Variants in ZNF106 observed in about 807,000 individuals in gnomAD.
ZNF106 encodes the protein SH3-domain binding protein 3.
A neutral mutation model predicts 195.1 loss-of-function variants in ZNF106; 67 were observed. The observed-to-expected ratio is 0.34, with a 90% CI of 0.28 to 0.42. The LOEUF is 0.42. Ranked by LOEUF, ZNF106 falls within the 10% of genes least tolerant of loss-of-function variation. The probability of loss-of-function intolerance (pLI) is 1.00; values close to 1 mark genes in which losing one functional copy is unlikely to be tolerated. For missense variants in ZNF106, 2,118 were observed against 2,304.5 expected (o/e 0.92, Z 1.66); for synonymous variants, 784 against 818.6 (o/e 0.96, Z 0.72).
chr15:42,466,449 A>T (rs1176185290), intron 2 of ZNF106, among the ~76,000 whole-genome samples: 4 of 148,126 alleles, frequency 2.7e-5, no homozygotes, highest in African/African-American at 7.5e-5. Context: ...AAGTTCATTT[A>T]AAAAAAAAAC....
chr15:42,424,316 G>C (rs574447565), intron 16 of ZNF106: 3 of 448,476 alleles, frequency 6.7e-6, no homozygotes, highest in Non-Finnish European at 1.2e-5. Context: ...AAGGGCATTC[G>C]AGTATACCCA....
chr15:42,420,316 G>A (rs566046240), intron 20 of ZNF106, among the ~76,000 whole-genome samples: 5 of 152,054 alleles, frequency 3.3e-5, no homozygotes, highest in Middle Eastern at 6.8e-3. Flanking sequence ...CATTATATTC[G>A]CTACCGCCTG....
intron 3 of ZNF106, among the ~76,000 whole-genome samples, chr15:42,460,371 T>TA (rs1429530362): frequency 1.3e-5 from 2 of 152,144 alleles, no homozygotes; most frequent in African/African-American, 2.4e-5. Flanking sequence ...ACTTAACTGT[T>TA]AAAAATAAAC....
intron 16 of ZNF106, 122 bp from the exon 17 acceptor site, chr15:42,424,182 G>T: frequency 1.3e-6 from 1 of 777,326 alleles, no homozygotes; most frequent in Non-Finnish European, 2.0e-6. Flanking sequence ...GATGAACTAG[G>T]TATAAAAGTT....
At chr15:42,448,003 A>G in intron 6 of ZNF106, 69 bp downstream of exon 6, 6 of 1,505,856 alleles carry the variant, frequency 4.0e-6, no homozygotes, top group Non-Finnish European at 5.3e-6. Flanking sequence ...AAACAGTTGA[A>G]CCTTTTTTCA....
rs1318617737 is a variant in ZNF106, at chr15:42,435,446, C to T, written c.4819G>A (p.Gly1607Arg). The T allele has an allele frequency of 7.4e-6, 12 of 1,613,960 alleles. No homozygotes were observed. Among genetic ancestry groups the T allele is most frequent in the Non-Finnish European group, 1.0e-5 (12 of 1,180,020 alleles). ...VNCLLVTQTS[G>R]KNAALYTGSS... ...CCGGTGTAAAGGGCAGCATTCTTCC[C>T]GGAGGTCTGAGTAACCAGGAGGCAG... Residue 1607 changes from glycine (G) to arginine (R), a missense_variant, in exon 14 of 22, where the codon GGG (glycine) becomes AGG (arginine). Physicochemically the swap from Gly to Arg is moderately radical, Grantham distance 125 (BLOSUM62 -2). Transcript: ENST00000564754.
chr15:42,450,791 T>C lies in ZNF106; in HGVS notation c.1481A>G (p.Asn494Ser), dbSNP rs1465931427. Residue 494 changes from asparagine to serine, a missense_variant, in exon 5 of 22, where the codon AAT becomes AGT. Physicochemically the swap from Asn to Ser is conservative, Grantham distance 46 (BLOSUM62 1). Coordinates refer to ENST00000564754, the MANE Select transcript of ZNF106 (RefSeq NM_001366845.3). ...ATTTGTTTTGGTGTTTTTTGAGATA[T>C]TCTTTGGATCTTGCTTTTGAGACAA... ...KSLSQKQDPKNISKNTKTNFF... is the reference protein window; with the variant it reads ...KSLSQKQDPKSISKNTKTNFF... 1 of 1,614,194 alleles carries C rather than the reference T, an allele frequency of 6.2e-7. No homozygotes were observed. The highest frequency in any genetic ancestry group is 2.2e-5 in the East Asian group (1 of 44,890).
In ZNF106 at chr15:42,437,354, C is replaced by A. The variant is rs771230035; in HGVS notation, c.4624G>T (p.Asp1542Tyr). The change falls in exon 13 of 22, where the codon GAT (aspartate) becomes TAT (tyrosine). Residue 1542 changes from aspartate to tyrosine, a missense_variant. By Grantham distance (160) the Asp-to-Tyr change is radical. Coordinates refer to ENST00000564754, the MANE Select transcript of ZNF106 (RefSeq NM_001366845.3). ...AAGCTTCCTTCTGTGGGTTCATCATCATCTCCTGGCTCTGAAGATATTTCT... is the reference window on the plus strand; with the variant it reads ...AAGCTTCCTTCTGTGGGTTCATCATAATCTCCTGGCTCTGAAGATATTTCT... ...SSEISSEPGD[D>Y]DEPTEGSFEG... 4 of 1,613,972 alleles carry A rather than the reference C, an allele frequency of 2.5e-6. No homozygotes were observed. The South Asian group carries it at 4.4e-5, about 18-fold the overall frequency.
In ZNF106 at chr15:42,424,977, T is replaced by G. The variant is rs1408999977; in HGVS notation, c.5047A>C (p.Ser1683Arg). The G allele has an allele frequency of 2.5e-6, 4 of 1,614,106 alleles. No homozygotes were observed. In the Admixed American group the frequency reaches 6.7e-5, roughly 27 times the overall value. Residue 1683 changes from serine to arginine, a missense_variant, in exon 16 of 22, where the codon AGC (serine) becomes CGC (arginine). Physicochemically the swap from Ser to Arg is moderately radical, Grantham distance 110. Coordinates refer to ENST00000564754, the MANE Select transcript of ZNF106 (RefSeq NM_001366845.3). ...IFECHGPRAVSCLATAQEGAR... is the reference protein window; with the variant it reads ...IFECHGPRAVRCLATAQEGAR... ...CCTTCCTGAGCTGTAGCAAGACAGC[T>G]GACTGCCCGAGGGCCATGGCATTCA...
At chr15:42,426,983 G>C (rs1226104058) in intron 15 of ZNF106, among the ~76,000 whole-genome samples, 3 of 152,120 alleles carry the variant, frequency 2.0e-5, no homozygotes, top group Admixed American at 6.6e-5. Flanking sequence ...CAGAAACCAT[G>C]ACATATTTCA....
At chr15:42,436,102 C>T (rs967731609) in intron 13 of ZNF106, among the ~76,000 whole-genome samples, 3 of 151,900 alleles carry the variant, frequency 2.0e-5, no homozygotes, top group South Asian at 2.1e-4. Context: ...TACAGGTGCC[C>T]GCCACCACCC....
At chr15:42,473,205 C>T (rs978935345) in intron 1 of ZNF106, among the ~76,000 whole-genome samples, 1 of 152,088 alleles carries the variant, frequency 6.6e-6, no homozygotes, top group Non-Finnish European at 1.5e-5. Context: ...AGTAAGTACG[C>T]AAATATTCCA....
chr15:42,419,360 G>A (rs2054573344), intron 20 of ZNF106, among the ~76,000 whole-genome samples: 1 of 151,046 alleles, frequency 6.6e-6, no homozygotes. Context: ...CTCTGTCTCA[G>A]AAAAAAAATA....
At position 42,414,331 on chromosome 15, in the gene ZNF106, T is replaced by C. The variant is rs1219385590; in HGVS notation, c.*2973A>G. 1 of 152,264 alleles carries C rather than the reference T, an allele frequency of 6.6e-6. No individual in the cohort carries two copies. The highest frequency in any genetic ancestry group is 2.4e-5 in the African/African-American group (1 of 41,466). 9.4% of individuals were successfully genotyped at this position (152,264 alleles called of 1,614,324 possible). On this transcript the variant is annotated 3_prime_UTR_variant, in exon 22 of 22. Transcript: ENST00000564754. ...CAGCCATAAGCAGCCAAAATGCTTA[T>C]GGTCCCTTTATTTCTTAATAGAGGG...
intron 3 of ZNF106, among the ~76,000 whole-genome samples, chr15:42,460,615 C>T (rs2056365968): frequency 6.6e-6 from 1 of 152,234 alleles, no homozygotes; most frequent in Admixed American, 6.5e-5. Flanking sequence ...AATCCCAGCA[C>T]TTTGGGAGGC....
At chr15:42,438,550 C>G in intron 12 of ZNF106, 62 bp downstream of exon 12, 1 of 1,441,686 alleles carries the variant, frequency 6.9e-7, no homozygotes, top group Non-Finnish European at 9.6e-7. Flanking sequence ...TAAATCCTGG[C>G]TTTAATATTT....
intron 14 of ZNF106, among the ~76,000 whole-genome samples, chr15:42,429,512 T>C (rs1001893416): frequency 2.6e-5 from 4 of 151,912 alleles, no homozygotes; most frequent in African/African-American, 9.7e-5. Context: ...GGCTTGGCTG[T>C]AGATATTAAA....
intron 8 of ZNF106, 56 bp from the exon 9 acceptor site, chr15:42,444,318 G>A (rs2055680884): frequency 7.2e-7 from 1 of 1,385,670 alleles, no homozygotes; most frequent in Admixed American, 1.7e-5. Context: ...AGGTCCTCTA[G>A]GTCTCCCCAT....
chr15:42,484,283 T>C (rs1050944268), intron 1 of ZNF106, among the ~76,000 whole-genome samples: 2 of 152,150 alleles, frequency 1.3e-5, no homozygotes, highest in African/African-American at 4.8e-5. Context: ...CATGTAAAAC[T>C]TCAAATATCA....
Sources: allele counts gnomAD v4.1 joint callset (sites outside exome capture counted in the v4.1 genomes callset), GRCh38; gene constraint gnomAD v4.1.1; transcripts MANE v1.5; gene names NCBI Gene and HGNC (gene_info 2026-07-23, HGNC 2026-07-21).